CRB1: variants seen among roughly 807,000 people sequenced by gnomAD.
CRB1 encodes the protein protein crumbs homolog 1.
Under a neutral mutation model 120.0 loss-of-function variants are expected in CRB1, and 83 were observed. The observed-to-expected ratio is 0.69, with a 90% CI of 0.58 to 0.83. The LOEUF (loss-of-function observed/expected upper bound fraction) is 0.83, where lower values mean the gene tolerates loss of function less well. Ranked by LOEUF, CRB1 falls within the 40% of genes least tolerant of loss-of-function variation. The probability of loss-of-function intolerance (pLI) is 0.00; values close to 1 mark genes in which losing one functional copy is unlikely to be tolerated. For synonymous variants in CRB1, 625 were observed against 612.5 expected, an observed-to-expected ratio of 1.02 and a Z score of -0.30; for missense variants, 1,699 against 1,687.6, an observed-to-expected ratio of 1.01 and a Z score of -0.12.
chr1:197,470,920 G>A lies in CRB1; in HGVS notation c.4006-6744G>A, dbSNP rs78693615. On this transcript the variant is annotated intron_variant, in intron 11 of 11. Transcript: ENST00000367400. ...AGTGTCACTGGGCCCTTTCCCTAAA[G>A]GTCTACAAGAGGAAATATGTCATGC... Among the ~76,000 whole-genome samples, 1,224 of 152,290 alleles carry A rather than the reference G, an allele frequency of 8.0e-3. 18 individuals carry two copies. The highest frequency in any genetic ancestry group is 0.027 in the African/African-American group (1,138 of 41,562).
At chr1:197,295,287 G>A (rs1656455664) in intron 1 of CRB1, among the ~76,000 whole-genome samples, 1 of 151,884 alleles carries the variant, frequency 6.6e-6, no homozygotes, top group Non-Finnish European at 1.5e-5. Flanking sequence ...GGATTGTGTC[G>A]TCAGGGTACT....
At chr1:197,385,762 C>T (rs1662182276) in intron 5 of CRB1, among the ~76,000 whole-genome samples, 1 of 151,956 alleles carries the variant, frequency 6.6e-6, no homozygotes. Context: ...GCTCCTAGAG[C>T]TGACATTCAT....
At chr1:197,252,578 A>ATGTGTGTGTGTGTG in the CRB1 span, among the ~76,000 whole-genome samples, 2 of 28,678 alleles carry the variant, frequency 7.0e-5, no homozygotes, top group African/African-American at 1.9e-4. Context: ...ATATATATAT[A>ATGTGTGTGTGTGTG]TATATGTGTG....
At chr1:197,213,309 G>T in the CRB1 span, among the ~76,000 whole-genome samples, 5 of 152,170 alleles carry the variant, frequency 3.3e-5, no homozygotes, top group South Asian at 1.0e-3. Flanking sequence ...TGTGTGTAAG[G>T]AATTGTGTTG....
At chr1:197,387,327 A>T (rs571861717) in intron 5 of CRB1, among the ~76,000 whole-genome samples, 9 of 152,270 alleles carry the variant, frequency 5.9e-5, no homozygotes, top group Admixed American at 4.6e-4. Context: ...AATGTAGCTA[A>T]TGTAGCTACA....
At position 197,379,958 on chromosome 1, in the gene CRB1, G is replaced by T. The variant is rs993985743; in HGVS notation, c.1171+22945G>T. ...ACAACTGAATTAAGGATTCATCTTTGTGCACTTTTTCATGAGAAAGTTTGT... is the reference window on the plus strand; with the variant it reads ...ACAACTGAATTAAGGATTCATCTTTTTGCACTTTTTCATGAGAAAGTTTGT... On this transcript the variant is annotated intron_variant, in intron 5 of 11. Coordinates refer to ENST00000367400, the MANE Select transcript of CRB1 (RefSeq NM_201253.3). Among the ~76,000 whole-genome samples the T allele has an allele frequency of 2.6e-5, 4 of 152,212 alleles. No individual in the cohort carries two copies. In the East Asian group the frequency reaches 7.7e-4, roughly 29 times the overall value.
At chr1:197,232,907 T>G in the CRB1 span, among the ~76,000 whole-genome samples, 17 of 152,136 alleles carry the variant, frequency 1.1e-4, no homozygotes, top group African/African-American at 4.1e-4. Context: ...TGAAGACATA[T>G]GAGGGTCAAG....
intron 11 of CRB1, among the ~76,000 whole-genome samples, chr1:197,461,320 C>G (rs571070522): frequency 1.2e-4 from 19 of 152,130 alleles, no homozygotes; most frequent in Middle Eastern, 6.8e-3. Flanking sequence ...AGGAGTATTT[C>G]ATAGGATTCC....
chr1:197,429,120 T>G, intron 7 of CRB1: 3 of 1,531,738 alleles, frequency 2.0e-6, no homozygotes, highest in Non-Finnish European at 2.6e-6. Flanking sequence ...TAAGAATCCC[T>G]TCCTCAAATG....
the CRB1 span, among the ~76,000 whole-genome samples, chr1:197,207,250 T>C: frequency 6.6e-6 from 1 of 152,158 alleles, no homozygotes; most frequent in African/African-American, 2.4e-5. Flanking sequence ...ATTCTATTCA[T>C]TGTGCTATTT....
At chr1:197,476,133 C>T (rs1227791619) in intron 11 of CRB1, among the ~76,000 whole-genome samples, 1 of 152,114 alleles carries the variant, frequency 6.6e-6, no homozygotes, top group African/African-American at 2.4e-5. Flanking sequence ...TGGTCTCGAA[C>T]TCCTGACCTC....
At chr1:197,459,640 G>A (rs1272107395) in intron 11 of CRB1, among the ~76,000 whole-genome samples, 1 of 152,046 alleles carries the variant, frequency 6.6e-6, no homozygotes, top group East Asian at 1.9e-4. Flanking sequence ...TGGCGATTAG[G>A]TTTCAGTGAA....
rs546399379 is a variant in CRB1, at chr1:197,441,928, C to G, written c.3879-238C>G. The G allele has an allele frequency of 1.1e-5, 6 of 530,698 alleles. No individual in the cohort carries two copies. The South Asian group carries it at 1.4e-4, about 13-fold the overall frequency. 32.9% of individuals were successfully genotyped at this position (530,698 alleles called of 1,614,324 possible). A position where few individuals can be genotyped will look rare whatever the true frequency, so the allele number is the denominator to read the frequency against. ...AAATATTTGCATCTATTTTCTCATT[C>G]TAATTAATTCCGTGTGTATATGTAT... On this transcript the variant is annotated intron_variant, in intron 10 of 11. Coordinates refer to ENST00000367400, the MANE Select transcript of CRB1 (RefSeq NM_201253.3).
At chr1:197,204,303 T>A in the CRB1 span, among the ~76,000 whole-genome samples, 1 of 152,184 alleles carries the variant, frequency 6.6e-6, no homozygotes, top group Admixed American at 6.5e-5. Flanking sequence ...TCTGGGTAGA[T>A]CCCCAGGAGT....
chr1:197,250,258 C>T, the CRB1 span, among the ~76,000 whole-genome samples: 4 of 151,784 alleles, frequency 2.6e-5, no homozygotes, highest in African/African-American at 9.7e-5. Flanking sequence ...CTTTTCAAAA[C>T]CCTTTACTAT....
chr1:197,344,522 C>T (rs767970344), intron 3 of CRB1, 46 bp downstream of exon 3: 1 of 1,561,090 alleles, frequency 6.4e-7, no homozygotes. Context: ...ACTCCCTGAC[C>T]ATGAACTATT....
At chr1:197,295,909 A>G (rs1376456450) in intron 1 of CRB1, among the ~76,000 whole-genome samples, 1 of 152,176 alleles carries the variant, frequency 6.6e-6, no homozygotes, top group East Asian at 1.9e-4. Flanking sequence ...CATAGCTGGA[A>G]GAGAGCTACT....
chr1:197,273,050 A>G (rs912136269), intron 1 of CRB1, among the ~76,000 whole-genome samples: 1 of 151,606 alleles, frequency 6.6e-6, no homozygotes, highest in African/African-American at 2.4e-5. Flanking sequence ...TTCCTTAGAT[A>G]TTACCTGACA....
At chr1:197,203,517 C>T in the CRB1 span, among the ~76,000 whole-genome samples, 7 of 151,882 alleles carry the variant, frequency 4.6e-5, no homozygotes, top group Admixed American at 3.3e-4. Flanking sequence ...TAGAGAGGGG[C>T]TTTCATTATG....
Sources: gnomAD v4.1 joint callset for allele counts (sites outside exome capture counted in the v4.1 genomes callset) on GRCh38, gnomAD v4.1.1 for gene constraint, MANE v1.5 for transcripts, NCBI Gene and HGNC (gene_info 2026-07-23, HGNC 2026-07-21) for gene names.